Variants in TAFA1 observed in about 807,000 individuals in gnomAD.
TAFA1 encodes the protein TAFA chemokine like family member 1, also known as chemokine-like protein TAFA-1.
A neutral mutation model predicts 18.5 loss-of-function variants in TAFA1; 4 were observed. The observed-to-expected ratio is 0.22, with a 90% CI of 0.11 to 0.49. TAFA1 has a LOEUF of 0.49. TAFA1 is among the 20% of genes least tolerant of loss of function. The probability of loss-of-function intolerance (pLI) is 0.98; values close to 1 mark genes in which losing one functional copy is unlikely to be tolerated. For missense variants in TAFA1, 147 were observed against 169.0 expected, an observed-to-expected ratio of 0.87 and a Z score of 0.72; for synonymous variants, 56 against 55.2, an observed-to-expected ratio of 1.01 and a Z score of -0.06.
At chr3:68,140,246 T>A (rs1355936443) in intron 2 of TAFA1, among the ~76,000 whole-genome samples, 1 of 152,216 alleles carries the variant, frequency 6.6e-6, no homozygotes. Flanking sequence ...TACAGCAGGC[T>A]TTGGGGCCGA....
At chr3:68,025,104 C>T (rs1270009444) in intron 2 of TAFA1, among the ~76,000 whole-genome samples, 5 of 152,220 alleles carry the variant, frequency 3.3e-5, no homozygotes, top group Admixed American at 1.3e-4. Context: ...CCATCCATAC[C>T]TTTCTTCATT....
intron 2 of TAFA1, among the ~76,000 whole-genome samples, chr3:68,283,396 C>T (rs968680052): frequency 6.6e-6 from 1 of 152,108 alleles, no homozygotes; most frequent in Non-Finnish European, 1.5e-5. Context: ...TCAGGTATGG[C>T]CTAGTTTGAG....
At chr3:68,464,158 A>G (rs1396163260) in intron 3 of TAFA1, among the ~76,000 whole-genome samples, 2 of 152,294 alleles carry the variant, frequency 1.3e-5, no homozygotes, top group African/African-American at 2.4e-5. Flanking sequence ...TCAGCTGAGC[A>G]CCTACCATGT....
At chr3:68,321,134 C>T (rs994366307) in intron 2 of TAFA1, among the ~76,000 whole-genome samples, 1 of 152,160 alleles carries the variant, frequency 6.6e-6, no homozygotes, top group Non-Finnish European at 1.5e-5. Flanking sequence ...ATCTTTTTCT[C>T]TCGAATAGGG....
chr3:68,401,127 A>T (rs1014168816), intron 2 of TAFA1, among the ~76,000 whole-genome samples: 3 of 152,158 alleles, frequency 2.0e-5, no homozygotes, highest in African/African-American at 4.8e-5. Flanking sequence ...TATTTCACAA[A>T]CACATATAAA....
intron 3 of TAFA1, among the ~76,000 whole-genome samples, chr3:68,474,618 G>A (rs2072057146): frequency 6.6e-6 from 1 of 152,214 alleles, no homozygotes; most frequent in Admixed American, 6.5e-5. Flanking sequence ...AAGTTTACGT[G>A]AGAGTATAGC....
chr3:68,417,758 A>G (rs1048717608), intron 3 of TAFA1, among the ~76,000 whole-genome samples: 24 of 152,166 alleles, frequency 1.6e-4, no homozygotes, highest in Admixed American at 5.2e-4. Context: ...TATAAAGAAA[A>G]GAGGCTTAAT....
intron 3 of TAFA1, among the ~76,000 whole-genome samples, chr3:68,501,747 A>G (rs972952347): frequency 6.6e-6 from 1 of 152,158 alleles, no homozygotes; most frequent in African/African-American, 2.4e-5. Flanking sequence ...AGGAGAAGAA[A>G]TAGAAATTAG....
At chr3:68,270,678 T>A (rs1056388706) in intron 2 of TAFA1, among the ~76,000 whole-genome samples, 1 of 152,112 alleles carries the variant, frequency 6.6e-6, no homozygotes, top group Non-Finnish European at 1.5e-5. Flanking sequence ...GCTACCCTCA[T>A]TAATTAGAGC....
At chr3:68,488,683 TAAATG>T in intron 3 of TAFA1, among the ~76,000 whole-genome samples, 1 of 152,312 alleles carries the variant, frequency 6.6e-6, no homozygotes, top group Non-Finnish European at 1.5e-5. Context: ...TTGTAAATAT[TAAATG>T]AGATGATAAA....
chr3:68,253,452 T>A (rs1286561135), intron 2 of TAFA1, among the ~76,000 whole-genome samples: 4 of 152,230 alleles, frequency 2.6e-5, no homozygotes, highest in Non-Finnish European at 5.9e-5. Flanking sequence ...TGTGAAACCA[T>A]CACTGGCCAC....
chr3:68,524,359 C>T (rs1427711564), intron 3 of TAFA1, among the ~76,000 whole-genome samples: 2 of 152,046 alleles, frequency 1.3e-5, no homozygotes, highest in African/African-American at 2.4e-5. Context: ...TAACCAAACC[C>T]AGATAGAAGG....
intron 2 of TAFA1, among the ~76,000 whole-genome samples, chr3:68,224,910 T>C (rs1289555963): frequency 2.9e-4 from 37 of 125,872 alleles, no homozygotes; most frequent in Non-Finnish European, 5.0e-4. Context: ...TTTTTTTTTT[T>C]TTTTTTTTTT....
chr3:68,289,907 T>A (rs888235915), intron 2 of TAFA1, among the ~76,000 whole-genome samples: 1 of 152,210 alleles, frequency 6.6e-6, no homozygotes, highest in African/African-American at 2.4e-5. Context: ...AATGAATGAA[T>A]GGATGAGTAA....
At chr3:68,433,391 T>C (rs1345826599) in intron 3 of TAFA1, among the ~76,000 whole-genome samples, 1 of 152,132 alleles carries the variant, frequency 6.6e-6, no homozygotes, top group African/African-American at 2.4e-5. Flanking sequence ...TCTTATTGCC[T>C]GAAGTCTTTA....
At chr3:68,381,249 G>A (rs905051435) in intron 2 of TAFA1, among the ~76,000 whole-genome samples, 7 of 151,780 alleles carry the variant, frequency 4.6e-5, no homozygotes, top group Admixed American at 2.6e-4. Flanking sequence ...ACTTGGCAAT[G>A]TGGGCTCTTT....
At chr3:68,111,179 C>T (rs780321810) in intron 2 of TAFA1, among the ~76,000 whole-genome samples, 3 of 152,092 alleles carry the variant, frequency 2.0e-5, no homozygotes, top group Non-Finnish European at 4.4e-5. Flanking sequence ...CAAAGATAAC[C>T]AGGTATATTA....
At chr3:68,423,276 C>T (rs571122910) in intron 3 of TAFA1, among the ~76,000 whole-genome samples, 1 of 152,116 alleles carries the variant, frequency 6.6e-6, no homozygotes, top group African/African-American at 2.4e-5. Flanking sequence ...AATTCTAACT[C>T]TAACCCTATA....
At chr3:68,385,998 T>C (rs189955023) in intron 2 of TAFA1, among the ~76,000 whole-genome samples, 86 of 152,236 alleles carry the variant, frequency 5.6e-4, no homozygotes, top group African/African-American at 1.8e-3. Flanking sequence ...CTGGCCATCC[T>C]ACAGTGCTAA....
Sources: gnomAD v4.1 joint callset for allele counts (sites outside exome capture counted in the v4.1 genomes callset) on GRCh38, gnomAD v4.1.1 for gene constraint, MANE v1.5 for transcripts, NCBI Gene and HGNC (gene_info 2026-07-23, HGNC 2026-07-21) for gene names.